The following TEAD1 variants were observed in gnomAD, a reference collection of about 807,000 sequenced individuals.
The protein encoded by TEAD1 is transcriptional enhancer factor TEF-1.
Under a neutral mutation model 54.9 loss-of-function variants are expected in TEAD1, and 9 were observed. The observed-to-expected ratio is 0.16, with a 90% confidence interval of 0.10 to 0.29. The LOEUF (loss-of-function observed/expected upper bound fraction) is 0.29. Among genes scored for constraint, TEAD1 ranks in the 10% least tolerant of loss-of-function variants. TEAD1 has a pLI of 1.00. For missense variants in TEAD1, 387 were observed against 535.9 expected (o/e 0.72, Z 2.74); for synonymous variants, 200 against 187.8 (o/e 1.07, Z -0.53).
intron 2 of TEAD1, among the ~76,000 whole-genome samples, chr11:12,763,950 A>T (rs1945151479): frequency 6.6e-6 from 1 of 152,204 alleles, no homozygotes; most frequent in Non-Finnish European, 1.5e-5. Flanking sequence ...TTGGATCTCA[A>T]AATTCCATAT....
At chr11:12,852,309 G>A (rs930322051) in intron 3 of TEAD1, among the ~76,000 whole-genome samples, 1 of 152,144 alleles carries the variant, frequency 6.6e-6, no homozygotes, top group South Asian at 2.1e-4. Context: ...ATAACTAGAT[G>A]TGGAGGTGAA....
At chr11:12,876,762 G>T (rs1947861283) in intron 5 of TEAD1, among the ~76,000 whole-genome samples, 1 of 152,198 alleles carries the variant, frequency 6.6e-6, no homozygotes, top group African/African-American at 2.4e-5. Flanking sequence ...TTGGGGGCTG[G>T]AGTCCAAAGT....
intron 11 of TEAD1, 77 bp from the exon 12 acceptor site, chr11:12,930,097 T>C: frequency 1.3e-6 from 2 of 1,571,858 alleles, no homozygotes; most frequent in Non-Finnish European, 1.8e-6. Flanking sequence ...CTAAAATGCT[T>C]TTATGGGCAG....
chr11:12,794,669 G>A (rs923362272), intron 3 of TEAD1, among the ~76,000 whole-genome samples: 1 of 152,284 alleles, frequency 6.6e-6, no homozygotes, highest in South Asian at 2.1e-4. Flanking sequence ...CCTCTGTGGC[G>A]AGCCGGGCCT....
intron 3 of TEAD1, among the ~76,000 whole-genome samples, chr11:12,818,429 ATAAAGT>A (rs539726345): frequency 8.5e-5 from 13 of 152,254 alleles, no homozygotes; most frequent in South Asian, 4.1e-4. Flanking sequence ...GACTTGAAAA[ATAAAGT>A]TAAAGAAGTA....
chr11:12,870,428 G>A (rs900843005), intron 5 of TEAD1, among the ~76,000 whole-genome samples: 7 of 151,946 alleles, frequency 4.6e-5, no homozygotes, highest in East Asian at 1.9e-4. Flanking sequence ...GAGACAAAGC[G>A]TCAGTAGACT....
intron 2 of TEAD1, among the ~76,000 whole-genome samples, chr11:12,713,798 C>T (rs750677650): frequency 1.3e-4 from 20 of 152,166 alleles, no homozygotes; most frequent in South Asian, 1.0e-3. Flanking sequence ...CCGTCCTTTG[C>T]GTGTCAGCTC....
At chr11:12,676,861 C>G (rs1250851226) in intron 2 of TEAD1, among the ~76,000 whole-genome samples, 1 of 152,162 alleles carries the variant, frequency 6.6e-6, no homozygotes, top group African/African-American at 2.4e-5. Flanking sequence ...AAAAAATGAA[C>G]TGATGATAAG....
intron 2 of TEAD1, among the ~76,000 whole-genome samples, chr11:12,742,258 T>C (rs1944663626): frequency 6.6e-6 from 1 of 152,238 alleles, no homozygotes; most frequent in Non-Finnish European, 1.5e-5. Flanking sequence ...GACATGATTC[T>C]GGACAAATAA....
intron 2 of TEAD1, among the ~76,000 whole-genome samples, chr11:12,713,986 T>C (rs2133855677): frequency 6.6e-6 from 1 of 152,280 alleles, no homozygotes; most frequent in Middle Eastern, 3.4e-3. Context: ...AACTTGCACA[T>C]TCCTAGATGA....
chr11:12,869,509 A>G (rs1185161533), intron 5 of TEAD1, among the ~76,000 whole-genome samples: 2 of 152,248 alleles, frequency 1.3e-5, no homozygotes, highest in African/African-American at 4.8e-5. Context: ...TTTCAATAGC[A>G]GCATTTAAAA....
At chr11:12,692,067 C>T (rs1013579211) in intron 2 of TEAD1, among the ~76,000 whole-genome samples, 10 of 152,232 alleles carry the variant, frequency 6.6e-5, no homozygotes, top group South Asian at 4.2e-4. Context: ...TTTAGTGCTG[C>T]GGGCCTATAG....
At chr11:12,900,148 A>G (rs1369047259) in intron 9 of TEAD1, among the ~76,000 whole-genome samples, 1 of 152,014 alleles carries the variant, frequency 6.6e-6, no homozygotes, top group African/African-American at 2.4e-5. Flanking sequence ...TACACCTTCG[A>G]TCTTCCAGGC....
At chr11:12,737,523 T>C (rs1944562235) in intron 2 of TEAD1, among the ~76,000 whole-genome samples, 1 of 152,174 alleles carries the variant, frequency 6.6e-6, no homozygotes, top group South Asian at 2.1e-4. Flanking sequence ...ATTACCTGTT[T>C]GGAGCTGTTC....
At chr11:12,699,078 A>C (rs1564910840) in intron 2 of TEAD1, among the ~76,000 whole-genome samples, 1 of 152,196 alleles carries the variant, frequency 6.6e-6, no homozygotes, top group African/African-American at 2.4e-5. Flanking sequence ...ATATAATTGG[A>C]TACGTCTCCA....
At chr11:12,825,365 G>A (rs1590188149) in intron 3 of TEAD1, among the ~76,000 whole-genome samples, 1 of 152,140 alleles carries the variant, frequency 6.6e-6, no homozygotes, top group South Asian at 2.1e-4. Context: ...CCCAAAGTAC[G>A]AACCGACTAA....
intron 2 of TEAD1, among the ~76,000 whole-genome samples, chr11:12,723,113 C>G (rs1021978673): frequency 6.6e-6 from 1 of 151,982 alleles, no homozygotes; most frequent in African/African-American, 2.4e-5. Context: ...TTTTTTGGCT[C>G]TCAATGGATA....
intron 12 of TEAD1, among the ~76,000 whole-genome samples, chr11:12,934,506 C>T (rs928708158): frequency 1.7e-4 from 25 of 150,690 alleles, no homozygotes; most frequent in African/African-American, 5.9e-4. Context: ...CAAACCTGCA[C>T]GTTGTGCACA....
chr11:12,716,062 A>G (rs1030543701), intron 2 of TEAD1, among the ~76,000 whole-genome samples: 1 of 150,934 alleles, frequency 6.6e-6, no homozygotes, highest in Admixed American at 6.6e-5. Context: ...GCATGAACAG[A>G]CCTCACAGAG....
Sources: gnomAD v4.1 joint callset for allele counts (sites outside exome capture counted in the v4.1 genomes callset) on GRCh38, gnomAD v4.1.1 for gene constraint, MANE v1.5 for transcripts, NCBI Gene and HGNC (gene_info 2026-07-23, HGNC 2026-07-21) for gene names.